Variants in SLC12A6 observed in about 807,000 individuals in gnomAD.
The protein encoded by SLC12A6 is K-Cl cotransporter 3.
SLC12A6 carries 66 observed loss-of-function variants against 135.3 expected under a neutral mutation model. The ratio of observed to expected loss-of-function variants is 0.49; its 90% CI spans 0.40 to 0.60. The LOEUF is 0.60. SLC12A6 is among the 20% of genes least tolerant of loss of function. SLC12A6 has a pLI of 0.00. For missense variants in SLC12A6, 1,058 were observed against 1,452.3 expected, an observed-to-expected ratio of 0.73 and a Z score of 4.41; for synonymous variants, 513 against 508.8, an observed-to-expected ratio of 1.01 and a Z score of -0.11.
In SLC12A6 at chr15:34,233,932, T is replaced by C. The variant is rs750825269; in HGVS notation, c.3402A>G (p.Arg1134=). ...TGCCACCACCCCGGACAAGTAGGAC[T>C]CGCTCTAGTCCCTCGGTAAGCACCT... The part of the protein sequence containing the change: ...FLEVLTEGLE[R]VLLVRGGGSE... The change falls in exon 26 of 26, where the codon CGA becomes CGG. Residue 1134 remains arginine (R), a synonymous_variant. Transcript: ENST00000354181. 3.1e-6 allele frequency: 5 copies of C among 1,607,666 alleles called. No homozygotes were observed. The highest frequency in any genetic ancestry group is 2.7e-5 in the African/African-American group (2 of 74,912).
chr15:34,252,023 T>C (rs1277987059), intron 10 of SLC12A6, 147 bp downstream of exon 10: 10 of 635,270 alleles, frequency 1.6e-5, no homozygotes, highest in African/African-American at 5.5e-5. Context: ...AGCAGAAATA[T>C]GGTGAATTAA....
intron 2 of SLC12A6, among the ~76,000 whole-genome samples, chr15:34,295,962 T>C (rs1383407772): frequency 1.3e-5 from 2 of 152,208 alleles, no homozygotes; most frequent in Non-Finnish European, 1.5e-5. Context: ...ATCACGCCAT[T>C]GTACTCCAGC....
chr15:34,236,707 CCTCT>C lies in SLC12A6; in HGVS notation c.3039_3042del (p.Glu1014HisfsTer4). On this transcript the variant is annotated frameshift_variant and splice_region_variant, in exon 23 of 26. Transcript: ENST00000354181. LOFTEE classifies it high-confidence loss of function. ...ATTGGATTGATGCAGTAATGTCTCACCTCTCTGTCTCGCTCTGTTTTGGATAGCC... is the reference window on the plus strand; with the variant it reads ...ATTGGATTGATGCAGTAATGTCTCACCTGTCTCGCTCTGTTTTGGATAGCC... The C allele has an allele frequency of 6.6e-7, 1 of 1,525,044 alleles. No homozygotes were observed. The highest frequency in any genetic ancestry group is 1.1e-5 in the South Asian group (1 of 89,314). 94.5% of individuals were successfully genotyped at this position (1,525,044 alleles called of 1,614,324 possible). A position where few individuals can be genotyped will look rare whatever the true frequency, so the allele number is the denominator to read the frequency against.
At chr15:34,308,250 C>T (rs1333208563) in intron 2 of SLC12A6, among the ~76,000 whole-genome samples, 2 of 152,054 alleles carry the variant, frequency 1.3e-5, no homozygotes, top group African/African-American at 2.4e-5. Flanking sequence ...AAGTCTCCTG[C>T]GAATTGTTAA....
chr15:34,277,707 A>G (rs2140899398), intron 2 of SLC12A6, among the ~76,000 whole-genome samples: 1 of 152,322 alleles, frequency 6.6e-6, no homozygotes, highest in East Asian at 1.9e-4. Flanking sequence ...TTATCACATC[A>G]TTTATTTTTC....
intron 13 of SLC12A6, among the ~76,000 whole-genome samples, chr15:34,247,314 G>A (rs1209017215): frequency 6.6e-6 from 1 of 151,854 alleles, no homozygotes; most frequent in African/African-American, 2.4e-5. Context: ...TCAGGAGATC[G>A]AGACCATCCT....
intron 10 of SLC12A6, among the ~76,000 whole-genome samples, chr15:34,251,809 G>A (rs898345104): frequency 6.6e-6 from 1 of 152,166 alleles, no homozygotes; most frequent in Non-Finnish European, 1.5e-5. Context: ...AGCTAAGTTA[G>A]GAAGATACAT....
chr15:34,328,653 C>T (rs1466769293), intron 2 of SLC12A6, among the ~76,000 whole-genome samples: 7 of 152,154 alleles, frequency 4.6e-5, no homozygotes, highest in Non-Finnish European at 8.8e-5. Context: ...CCGAGATGGG[C>T]AGATCGCTTG....
intron 3 of SLC12A6, among the ~76,000 whole-genome samples, chr15:34,269,540 G>A (rs1893766581): frequency 6.6e-6 from 1 of 152,176 alleles, no homozygotes; most frequent in African/African-American, 2.4e-5. Flanking sequence ...CCTTGGCACA[G>A]GTTTGGGTTT....
At chr15:34,333,942 T>C (rs538351240) in intron 2 of SLC12A6, among the ~76,000 whole-genome samples, 163 of 151,878 alleles carry the variant, frequency 1.1e-3, no homozygotes, top group African/African-American at 3.7e-3. Context: ...TGGTGGTGCA[T>C]GCCTGTAATC....
intron 3 of SLC12A6, among the ~76,000 whole-genome samples, chr15:34,266,504 C>T (rs141573984): frequency 0.011 from 1,673 of 152,158 alleles, 37 homozygotes; most frequent in African/African-American, 0.038. Flanking sequence ...TACAGTGGTG[C>T]GATCACAGCT....
chr15:34,266,753 C>T (rs755519981), intron 3 of SLC12A6, among the ~76,000 whole-genome samples: 1 of 152,172 alleles, frequency 6.6e-6, no homozygotes, highest in African/African-American at 2.4e-5. Context: ...TTTAGACATA[C>T]ATCTATTGTT....
chr15:34,279,604 C>T (rs1894536100), intron 2 of SLC12A6, among the ~76,000 whole-genome samples: 1 of 152,196 alleles, frequency 6.6e-6, no homozygotes, highest in Non-Finnish European at 1.5e-5. Context: ...GGTGAGGGCA[C>T]ACCCAAGTTT....
chr15:34,306,173 G>T (rs569815092), intron 2 of SLC12A6, among the ~76,000 whole-genome samples: 1 of 152,282 alleles, frequency 6.6e-6, no homozygotes, highest in East Asian at 1.9e-4. Context: ...CACCTCATGG[G>T]GGATGAGATT....
chr15:34,337,880 C>G (rs1414217381), upstream of SLC12A6: 1 of 152,334 alleles, frequency 6.6e-6, no homozygotes, highest in Non-Finnish European at 1.5e-5. Context: ...TGGCCTCCCC[C>G]AGCCCCGGGC....
chr15:34,242,857 TG>T (rs945423735), intron 16 of SLC12A6, among the ~76,000 whole-genome samples: 3 of 152,036 alleles, frequency 2.0e-5, no homozygotes, highest in Non-Finnish European at 2.9e-5. Flanking sequence ...GGTGAAACCC[TG>T]TCTTTACTAA....
At chr15:34,251,404 C>G (rs1277130869) in intron 10 of SLC12A6, among the ~76,000 whole-genome samples, 1 of 152,042 alleles carries the variant, frequency 6.6e-6, no homozygotes, top group African/African-American at 2.4e-5. Context: ...CCTGCCACCA[C>G]GCCCAGCTAA....
At chr15:34,278,917 A>AT (rs11429951) in intron 2 of SLC12A6, among the ~76,000 whole-genome samples, 152,180 of 152,182 alleles carry the variant, frequency 1, 76,089 homozygotes, top group Non-Finnish European at 1. Flanking sequence ...TTAGATTTTT[A>AT]TTTTCATTTA....
At chr15:34,277,470 C>T (rs1308430149) in intron 2 of SLC12A6, among the ~76,000 whole-genome samples, 1 of 151,816 alleles carries the variant, frequency 6.6e-6, no homozygotes, top group East Asian at 1.9e-4. Flanking sequence ...TATTCTTGCA[C>T]ATAAGACAAA....
Sources: gnomAD v4.1 joint callset for allele counts (sites outside exome capture counted in the v4.1 genomes callset) on GRCh38, gnomAD v4.1.1 for gene constraint, MANE v1.5 for transcripts, NCBI Gene and HGNC (gene_info 2026-07-23, HGNC 2026-07-21) for gene names.